Variants in SOX6 observed in about 807,000 individuals in gnomAD.
The protein encoded by SOX6 is transcription factor SOX-6.
A neutral mutation model predicts 97.8 loss-of-function variants in SOX6; 11 were observed. The observed-to-expected ratio is 0.11, with a 90% CI of 0.07 to 0.19. The LOEUF is 0.19. SOX6 is among the 10% of genes least tolerant of loss of function. SOX6 has a pLI of 1.00. For missense variants in SOX6, 810 were observed against 1,039.5 expected, an observed-to-expected ratio of 0.78 and a Z score of 3.04; for synonymous variants, 360 against 371.4, an observed-to-expected ratio of 0.97 and a Z score of 0.35.
intron 3 of SOX6, among the ~76,000 whole-genome samples, chr11:16,295,093 A>AT (rs1855032381): frequency 6.6e-6 from 1 of 152,102 alleles, no homozygotes; most frequent in Admixed American, 6.6e-5. Flanking sequence ...ATTGATCATT[A>AT]TTGTTCATGT....
At position 15,988,149 on chromosome 11, in the gene SOX6, C is replaced by T. The variant is rs549961552; in HGVS notation, c.1966+848G>A. Among the ~76,000 whole-genome samples, 190 of 152,318 alleles carry T rather than the reference C, an allele frequency of 1.2e-3. 1 individual carries two copies. Among genetic ancestry groups the T allele is most frequent in the South Asian group, 0.012 (56 of 4,826 alleles). On this transcript the variant is annotated intron_variant, in intron 14 of 15. Coordinates refer to ENST00000683767, the MANE Select transcript of SOX6 (RefSeq NM_001367873.1). ...AATGGCTTCCTTTGAGATTTTGTCA[C>T]ATCGTGACAGCTTTAAGTAGAGCAG...
At chr11:16,595,683 G>A (rs1484390465) in intron 4 of SOX6, among the ~76,000 whole-genome samples, 2 of 151,768 alleles carry the variant, frequency 1.3e-5, no homozygotes, top group African/African-American at 4.8e-5. Flanking sequence ...GCTGAGGCAG[G>A]AGAATTGCTT....
intron 12 of SOX6, among the ~76,000 whole-genome samples, chr11:16,037,997 C>A (rs2133894728): frequency 6.6e-6 from 1 of 151,572 alleles, no homozygotes; most frequent in Non-Finnish European, 1.5e-5. Flanking sequence ...GAGAGGTCAA[C>A]CAATTTTGGA....
intron 2 of SOX6, among the ~76,000 whole-genome samples, chr11:16,721,491 G>T (rs577028558): frequency 6.2e-4 from 84 of 135,982 alleles, no homozygotes; most frequent in African/African-American, 2.2e-3. Flanking sequence ...CAATGGGTGG[G>T]TCTTTTCTGT....
chr11:16,132,401 A>AGAAAGAAAAAAGAG, intron 6 of SOX6, among the ~76,000 whole-genome samples: 1 of 43,844 alleles, frequency 2.3e-5, no homozygotes, highest in African/African-American at 1.1e-4. Context: ...AAAGAAAGAA[A>AGAAAGAAAAAAGAG]AAAGAAAGAA....
At position 16,404,346 on chromosome 11, in the gene SOX6, G is replaced by T. The variant is rs184600343; in HGVS notation, c.-4-63094C>A. On this transcript the variant is annotated intron_variant, in intron 1 of 15. Coordinates refer to the SOX6 transcript ENST00000396356. ...CTTTTCATTACATCAAATAATGGCC[G>T]GTATATTAAGAAAGCCCTCACCACG... is the stretch of plus-strand genomic sequence containing the variant. 7.9e-5 allele frequency among the ~76,000 whole-genome samples: 12 copies of T among 151,750 alleles called. No homozygotes were observed. In the East Asian group the frequency reaches 2.1e-3, roughly 27 times the overall value.
intron 1 of SOX6, chr11:16,402,791 GACA>G: frequency 6.3e-7 from 1 of 1,592,834 alleles, no homozygotes; most frequent in South Asian, 1.1e-5. Context: ...TGTTACATGA[GACA>G]ACAACCTTTC....
At chr11:16,018,658 A>G (rs1854957349) in intron 12 of SOX6, among the ~76,000 whole-genome samples, 1 of 152,164 alleles carries the variant, frequency 6.6e-6, no homozygotes, top group Non-Finnish European at 1.5e-5. Context: ...TGTGTGTGCT[A>G]ACAGTAAAAT....
intron 1 of SOX6, among the ~76,000 whole-genome samples, chr11:16,378,665 T>C (rs899666304): frequency 2.6e-5 from 4 of 151,960 alleles, no homozygotes; most frequent in Admixed American, 2.0e-4. Context: ...AACATTATAA[T>C]AAAATATATG....
intron 12 of SOX6, among the ~76,000 whole-genome samples, chr11:16,044,520 C>A (rs1855769338): frequency 6.6e-6 from 1 of 152,046 alleles, no homozygotes; most frequent in African/African-American, 2.4e-5. Flanking sequence ...AAAAGTAGTG[C>A]CCCATGGAAC....
chr11:16,138,668 T>C (rs1850042545), intron 6 of SOX6, among the ~76,000 whole-genome samples: 1 of 152,134 alleles, frequency 6.6e-6, no homozygotes, highest in Admixed American at 6.5e-5. Context: ...TCATTTAGCA[T>C]TAGGTATATC....
At chr11:16,437,488 ATC>A (rs1459329078) in intron 1 of SOX6, among the ~76,000 whole-genome samples, 1 of 152,224 alleles carries the variant, frequency 6.6e-6, no homozygotes, top group Non-Finnish European at 1.5e-5. Context: ...CTCAAAGAAC[ATC>A]TGTTTATGTG....
intron 9 of SOX6, among the ~76,000 whole-genome samples, chr11:16,079,731 AC>A (rs1440078851): frequency 1.3e-5 from 2 of 152,068 alleles, no homozygotes; most frequent in Admixed American, 1.3e-4. Context: ...AAAATGTTTT[AC>A]CCCATTTCAA....
At chr11:16,250,154 C>A (rs897198286) in intron 3 of SOX6, among the ~76,000 whole-genome samples, 5 of 152,104 alleles carry the variant, frequency 3.3e-5, no homozygotes, top group African/African-American at 1.2e-4. Flanking sequence ...TCAGCAGTGG[C>A]GTTTGATTCT....
chr11:16,652,934 A>G (rs1323694795), intron 3 of SOX6, among the ~76,000 whole-genome samples: 2 of 151,936 alleles, frequency 1.3e-5, no homozygotes. Flanking sequence ...ACAAATAACC[A>G]CATCAAAAAC....
At chr11:16,331,210 A>T (rs902706042) in intron 2 of SOX6, among the ~76,000 whole-genome samples, 2 of 152,172 alleles carry the variant, frequency 1.3e-5, no homozygotes, top group African/African-American at 4.8e-5. Flanking sequence ...GTAATAAGCA[A>T]AGTAACTAGT....
At chr11:16,326,877 T>A (rs923868055) in intron 2 of SOX6, among the ~76,000 whole-genome samples, 2 of 152,194 alleles carry the variant, frequency 1.3e-5, no homozygotes, top group Non-Finnish European at 2.9e-5. Context: ...TACTCACAGA[T>A]AAGGTACTTG....
chr11:16,313,082 G>A (rs985899166), intron 3 of SOX6: 1 of 152,076 alleles, frequency 6.6e-6, no homozygotes, highest in Non-Finnish European at 1.5e-5. Context: ...TTTCAGAGGG[G>A]GCACTTCAGA....
intron 7 of SOX6, among the ~76,000 whole-genome samples, chr11:16,100,822 C>T (rs1009116265): frequency 2.7e-5 from 4 of 149,564 alleles, no homozygotes; most frequent in African/African-American, 9.8e-5. Context: ...TTCAGAAAGA[C>T]AAAGGACTGG....
Sources: gnomAD v4.1 joint callset for allele counts (sites outside exome capture counted in the v4.1 genomes callset) on GRCh38, gnomAD v4.1.1 for gene constraint, MANE v1.5 for transcripts, NCBI Gene and HGNC (gene_info 2026-07-23, HGNC 2026-07-21) for gene names.